Variants in CLSTN2 observed in about 807,000 individuals in gnomAD.
CLSTN2 encodes calsyntenin-2.
CLSTN2 carries 48 observed loss-of-function variants against 101.2 expected under a neutral mutation model. The ratio of observed to expected loss-of-function variants is 0.47; its 90% CI spans 0.38 to 0.60. The LOEUF (loss-of-function observed/expected upper bound fraction) is 0.60, where lower values mean the gene tolerates loss of function less well. Ranked by LOEUF, CLSTN2 falls within the 20% of genes least tolerant of loss-of-function variation. CLSTN2 has a pLI of 0.00. For missense variants in CLSTN2, 1,160 were observed against 1,238.2 expected (o/e 0.94, Z 0.95); for synonymous variants, 481 against 463.6 (o/e 1.04, Z -0.48).
chr3:140,095,280 T>A (rs2008850873), intron 1 of CLSTN2, among the ~76,000 whole-genome samples: 2 of 152,304 alleles, frequency 1.3e-5, no homozygotes, highest in South Asian at 4.1e-4. Flanking sequence ...GTTCTGAAAG[T>A]TCTTCAGGAG....
intron 2 of CLSTN2, among the ~76,000 whole-genome samples, chr3:140,337,224 A>C (rs943908780): frequency 6.6e-6 from 1 of 152,230 alleles, no homozygotes; most frequent in African/African-American, 2.4e-5. Flanking sequence ...CCACTACAGA[A>C]ATTCATTGGC....
intron 1 of CLSTN2, among the ~76,000 whole-genome samples, chr3:140,082,051 T>G (rs892814779): frequency 6.6e-6 from 1 of 152,172 alleles, no homozygotes; most frequent in Non-Finnish European, 1.5e-5. Context: ...CTATTAGAGG[T>G]GCTAAAACAC....
intron 2 of CLSTN2, among the ~76,000 whole-genome samples, chr3:140,259,244 C>A (rs758130931): frequency 2.0e-5 from 3 of 151,106 alleles, no homozygotes; most frequent in Non-Finnish European, 2.9e-5. Context: ...GAGGCCAAGG[C>A]GGGTGGATCA....
At chr3:140,018,667 T>G (rs898043475) in intron 1 of CLSTN2, among the ~76,000 whole-genome samples, 6 of 152,190 alleles carry the variant, frequency 3.9e-5, no homozygotes, top group African/African-American at 1.2e-4. Context: ...TGACCTCCAG[T>G]GGGTCATTTC....
intron 1 of CLSTN2, among the ~76,000 whole-genome samples, chr3:140,161,601 T>C (rs2010047665): frequency 6.6e-6 from 1 of 152,146 alleles, no homozygotes. Context: ...ACTGCATTGA[T>C]CAACCCTCCC....
chr3:140,073,854 T>G (rs755347675), intron 1 of CLSTN2, among the ~76,000 whole-genome samples: 1 of 152,216 alleles, frequency 6.6e-6, no homozygotes, highest in Non-Finnish European at 1.5e-5. Context: ...TATTTCTTGC[T>G]CTTGTTTTCC....
intron 8 of CLSTN2, among the ~76,000 whole-genome samples, chr3:140,491,473 G>T (rs1934351341): frequency 6.6e-6 from 1 of 152,134 alleles, no homozygotes; most frequent in African/African-American, 2.4e-5. Flanking sequence ...TAATGCATAG[G>T]AGAAAAGGTG....
At chr3:139,942,049 G>C (rs997145760) in intron 1 of CLSTN2, among the ~76,000 whole-genome samples, 1 of 152,166 alleles carries the variant, frequency 6.6e-6, no homozygotes, top group Admixed American at 6.5e-5. Flanking sequence ...ACACTGGTAG[G>C]CATGGGTTCC....
chr3:140,497,499 T>C (rs1934492170), intron 8 of CLSTN2, among the ~76,000 whole-genome samples: 1 of 152,136 alleles, frequency 6.6e-6, no homozygotes, highest in South Asian at 2.1e-4. Flanking sequence ...TGAGTCAACC[T>C]CACCGCAGAA....
At chr3:140,096,268 GT>G (rs1381300731) in intron 1 of CLSTN2, among the ~76,000 whole-genome samples, 6 of 152,092 alleles carry the variant, frequency 3.9e-5, no homozygotes, top group Non-Finnish European at 7.4e-5. Flanking sequence ...ACTGCTTCCT[GT>G]TTCCCTCTCT....
chr3:140,518,141 C>T (rs1576608658), intron 8 of CLSTN2, among the ~76,000 whole-genome samples: 2 of 152,158 alleles, frequency 1.3e-5, no homozygotes, highest in East Asian at 3.9e-4. Flanking sequence ...AGTCTCACTT[C>T]CACCATACTT....
chr3:140,213,626 G>T (rs2010885326), intron 2 of CLSTN2, among the ~76,000 whole-genome samples: 1 of 152,220 alleles, frequency 6.6e-6, no homozygotes, highest in African/African-American at 2.4e-5. Flanking sequence ...GGTGGACAGG[G>T]TCCCCTCCTC....
At chr3:140,248,539 A>G (rs1176112440) in intron 2 of CLSTN2, among the ~76,000 whole-genome samples, 4 of 152,094 alleles carry the variant, frequency 2.6e-5, no homozygotes, top group Admixed American at 6.5e-5. Context: ...GCTTCCAGCA[A>G]TGTGCACCTA....
chr3:140,342,592 G>A (rs941620052), intron 2 of CLSTN2, among the ~76,000 whole-genome samples: 22 of 152,078 alleles, frequency 1.4e-4, no homozygotes, highest in African/African-American at 3.1e-4. Context: ...ATGTAACAAC[G>A]CATAATGAGA....
chr3:140,171,153 C>A (rs2010206466), intron 1 of CLSTN2, among the ~76,000 whole-genome samples: 1 of 152,110 alleles, frequency 6.6e-6, no homozygotes, highest in African/African-American at 2.4e-5. Flanking sequence ...AATAAAAGAG[C>A]AAAGGAGTGT....
At chr3:140,046,522 T>C (rs2007883879) in intron 1 of CLSTN2, among the ~76,000 whole-genome samples, 1 of 152,194 alleles carries the variant, frequency 6.6e-6, no homozygotes, top group African/African-American at 2.4e-5. Flanking sequence ...CATTTAAGGT[T>C]AATATTGTCA....
chr3:140,479,429 T>C (rs1030561590), intron 8 of CLSTN2, among the ~76,000 whole-genome samples: 1 of 152,204 alleles, frequency 6.6e-6, no homozygotes, highest in Admixed American at 6.5e-5. Context: ...TTATCCATAA[T>C]ATCCAGTGTG....
chr3:140,113,353 C>T (rs1236438603), intron 1 of CLSTN2, among the ~76,000 whole-genome samples: 1 of 152,208 alleles, frequency 6.6e-6, no homozygotes, highest in Non-Finnish European at 1.5e-5. Context: ...AGACTGTGTG[C>T]AGACCCCAAC....
At chr3:140,216,047 G>A (rs553204247) in intron 2 of CLSTN2, among the ~76,000 whole-genome samples, 2 of 152,222 alleles carry the variant, frequency 1.3e-5, no homozygotes, top group African/African-American at 2.4e-5. Context: ...GGGTGGGTGA[G>A]CATTATCGCC....
Sources: gnomAD v4.1 joint callset for allele counts (sites outside exome capture counted in the v4.1 genomes callset) on GRCh38, gnomAD v4.1.1 for gene constraint, MANE v1.5 for transcripts, NCBI Gene and HGNC (gene_info 2026-07-23, HGNC 2026-07-21) for gene names.